The following CFAP299 variants were observed in gnomAD, a reference collection of about 807,000 sequenced individuals.
The protein encoded by CFAP299 is cilia and flagella associated protein 299.
A neutral mutation model predicts 27.0 loss-of-function variants in CFAP299; 21 were observed. The ratio of observed to expected loss-of-function variants is 0.78; its 90% CI spans 0.55 to 1.12. The LOEUF (loss-of-function observed/expected upper bound fraction) is 1.12. Ranked by LOEUF, CFAP299 falls within the 50% of genes most tolerant of loss-of-function variation. CFAP299 has a pLI of 0.00. For synonymous variants in CFAP299, 104 were observed against 98.1 expected (o/e 1.06, Z -0.36); for missense variants, 310 against 276.6 (o/e 1.12, Z -0.86).
intron 2 of CFAP299, among the ~76,000 whole-genome samples, chr4:80,437,294 G>A (rs1235247952): frequency 6.6e-6 from 1 of 152,118 alleles, no homozygotes; most frequent in Non-Finnish European, 1.5e-5. Context: ...TATCTCTCTA[G>A]AACTGGAAAA....
intron 3 of CFAP299, among the ~76,000 whole-genome samples, chr4:80,632,142 G>A (rs1377520770): frequency 6.6e-6 from 1 of 151,888 alleles, no homozygotes; most frequent in Non-Finnish European, 1.5e-5. Flanking sequence ...AAGTCACCTA[G>A]TTTATGGTAT....
intron 2 of CFAP299, among the ~76,000 whole-genome samples, chr4:80,474,182 G>C (rs559817545): frequency 1.3e-5 from 2 of 152,128 alleles, no homozygotes; most frequent in Admixed American, 1.3e-4. Flanking sequence ...TAATAAATGT[G>C]ATTTTATATA....
intron 2 of CFAP299, among the ~76,000 whole-genome samples, chr4:80,567,348 AGTTAT>A (rs990908614): frequency 6.6e-6 from 1 of 152,070 alleles, no homozygotes; most frequent in Non-Finnish European, 1.5e-5. Context: ...TCATTTCTCA[AGTTAT>A]GTTCTCCTTT....
rs546013682 is a variant in CFAP299 at position 80,729,002 on chromosome 4, T to C, written c.334-140991T>C. Among the ~76,000 whole-genome samples, 270 of 152,362 alleles carry C rather than the reference T, an allele frequency of 1.8e-3. 3 individuals are homozygous for C. The highest frequency in any genetic ancestry group is 3.0e-3 in the Non-Finnish European group (202 of 68,042). ...AAAAGAGATCCACTTCTTTCTTTTT[T>C]CTTTTTCTCCTTTTCCCCTGTGAAG... On this transcript the variant is annotated intron_variant, in intron 3 of 5. Transcript: ENST00000358105.
chr4:80,394,534 C>CTCTAG (rs1257237530), intron 2 of CFAP299, among the ~76,000 whole-genome samples: 1 of 151,408 alleles, frequency 6.6e-6, no homozygotes, highest in Non-Finnish European at 1.5e-5. Flanking sequence ...CTATGTTTTT[C>CTCTAG]TCTAGTATTT....
chr4:80,321,672 G>A, the CFAP299 span, among the ~76,000 whole-genome samples: 13 of 152,284 alleles, frequency 8.5e-5, no homozygotes, highest in South Asian at 2.5e-3. Flanking sequence ...GAGGGCACCA[G>A]GAAATTTGCG....
rs182814105 is a variant in CFAP299, at chr4:80,775,834, A to G, written c.334-94159A>G. ...AAGACATGAGTCTTTGTTTTCTTTG[A>G]TATTATTTTTAACACATGGAAATAT... On this transcript the variant is annotated intron_variant, in intron 3 of 5. Coordinates refer to ENST00000358105, the MANE Select transcript of CFAP299 (RefSeq NM_152770.3). Among the ~76,000 whole-genome samples, 6 of 152,266 alleles carry G rather than the reference A, an allele frequency of 3.9e-5. No homozygotes were observed. The East Asian group carries it at 1.2e-3, about 29-fold the overall frequency.
intron 1 of CFAP299, among the ~76,000 whole-genome samples, chr4:80,353,465 T>C (rs1259021315): frequency 6.6e-6 from 1 of 152,234 alleles, no homozygotes; most frequent in Non-Finnish European, 1.5e-5. Flanking sequence ...AATAAGCTTA[T>C]TCCAAAAATG....
intron 2 of CFAP299, among the ~76,000 whole-genome samples, chr4:80,498,534 T>C (rs1236195689): frequency 6.6e-6 from 1 of 151,720 alleles, no homozygotes; most frequent in Non-Finnish European, 1.5e-5. Flanking sequence ...ATAAAAATCA[T>C]AATGAGATAC....
intron 4 of CFAP299, among the ~76,000 whole-genome samples, chr4:80,879,595 T>G (rs560295123): frequency 1.9e-3 from 296 of 152,366 alleles, no homozygotes; most frequent in Non-Finnish European, 3.3e-3. Flanking sequence ...TTTTTAACAC[T>G]CGGCATTTTT....
chr4:80,459,255 G>C (rs551326482), intron 2 of CFAP299, among the ~76,000 whole-genome samples: 210 of 152,252 alleles, frequency 1.4e-3, no homozygotes, highest in African/African-American at 4.7e-3. Context: ...CTCCCAAAGT[G>C]CTAGAATTAC....
intron 4 of CFAP299, among the ~76,000 whole-genome samples, chr4:80,898,595 TG>T (rs933943660): frequency 6.6e-6 from 1 of 151,888 alleles, no homozygotes; most frequent in African/African-American, 2.4e-5. Context: ...GGTCCCTAGC[TG>T]GGGACCCACC....
chr4:80,433,616 A>T (rs1384199164), intron 2 of CFAP299, among the ~76,000 whole-genome samples: 1 of 152,176 alleles, frequency 6.6e-6, no homozygotes, highest in Non-Finnish European at 1.5e-5. Flanking sequence ...GCAAATAATT[A>T]TAGGTCACAT....
intron 3 of CFAP299, among the ~76,000 whole-genome samples, chr4:80,661,199 T>C (rs1740825950): frequency 6.6e-6 from 1 of 151,642 alleles, no homozygotes. Flanking sequence ...GGTTGCGTGC[T>C]CCTGTTGTCC....
At chr4:80,672,464 TC>T (rs1741542266) in intron 3 of CFAP299, among the ~76,000 whole-genome samples, 1 of 152,224 alleles carries the variant, frequency 6.6e-6, no homozygotes, top group Non-Finnish European at 1.5e-5. Flanking sequence ...TCTAAAATTC[TC>T]TTTTTTTGTT....
chr4:80,695,832 T>C (rs1473439493), intron 3 of CFAP299, among the ~76,000 whole-genome samples: 1 of 151,996 alleles, frequency 6.6e-6, no homozygotes, highest in Non-Finnish European at 1.5e-5. Context: ...ACTTTTGTAT[T>C]TTTTTAATAG....
chr4:80,940,037 G>A (rs1737112618), intron 4 of CFAP299, among the ~76,000 whole-genome samples: 1 of 152,106 alleles, frequency 6.6e-6, no homozygotes. Context: ...TGATCTACAT[G>A]CACTCTCTGT....
At chr4:80,449,923 A>T (rs1165232782) in intron 2 of CFAP299, among the ~76,000 whole-genome samples, 1 of 152,160 alleles carries the variant, frequency 6.6e-6, no homozygotes, top group African/African-American at 2.4e-5. Context: ...GATGAAATTC[A>T]TCATCACTAA....
intron 4 of CFAP299, among the ~76,000 whole-genome samples, chr4:80,886,432 G>A (rs1438766732): frequency 1.3e-5 from 2 of 152,174 alleles, no homozygotes; most frequent in Non-Finnish European, 2.9e-5. Flanking sequence ...AACTTCATTT[G>A]TTTGAAAGAA....
Sources: gnomAD v4.1 joint callset for allele counts (sites outside exome capture counted in the v4.1 genomes callset) on GRCh38, gnomAD v4.1.1 for gene constraint, MANE v1.5 for transcripts, NCBI Gene and HGNC (gene_info 2026-07-23, HGNC 2026-07-21) for gene names.